Variants in BCL2L13 observed in about 807,000 individuals in gnomAD.
The protein encoded by BCL2L13 is bcl-2-like protein 13.
BCL2L13 carries 13 observed loss-of-function variants against 25.8 expected under a neutral mutation model. The observed-to-expected ratio is 0.50, with a 90% CI of 0.33 to 0.80. The LOEUF (loss-of-function observed/expected upper bound fraction) is 0.80. BCL2L13 is among the 30% of genes least tolerant of loss of function. BCL2L13 has a pLI of 0.02. For synonymous variants in BCL2L13, 244 were observed against 230.3 expected (o/e 1.06, Z -0.54); for missense variants, 504 against 574.9 (o/e 0.88, Z 1.26).
At position 17,661,731 on chromosome 22, in the gene BCL2L13, C is replaced by T. The variant is rs2059071970; in HGVS notation, c.121+5899C>T. 2.1e-5 allele frequency among the ~76,000 whole-genome samples: 3 copies of T among 145,940 alleles called. 1 individual carries two copies. ...TATGTGCCGGGTGTGGTGGCTCACA[C>T]CTGTGATCCCAGCACTTTGGGAGGC... On this transcript the variant is annotated intron_variant, in intron 2 of 6. Transcript: ENST00000317582.
chr22:17,718,043 C>T (rs539128464), intron 6 of BCL2L13, among the ~76,000 whole-genome samples: 191 of 151,856 alleles, frequency 1.3e-3, no homozygotes, highest in African/African-American at 4.4e-3. Flanking sequence ...GCTGTGTTCT[C>T]GCCACAGCAC....
intron 4 of BCL2L13, among the ~76,000 whole-genome samples, chr22:17,689,366 T>A (rs5992790): frequency 6.6e-6 from 1 of 152,324 alleles, no homozygotes. Context: ...TGTTAATTTG[T>A]ATTTATATGT....
At chr22:17,649,438 T>G (rs1215002633) in intron 1 of BCL2L13, among the ~76,000 whole-genome samples, 1 of 152,118 alleles carries the variant, frequency 6.6e-6, no homozygotes, top group African/African-American at 2.4e-5. Flanking sequence ...GTAAATACTT[T>G]CTTCTTCCTG....
At chr22:17,700,097 C>T (rs528797812) in intron 5 of BCL2L13, among the ~76,000 whole-genome samples, 2 of 152,016 alleles carry the variant, frequency 1.3e-5, no homozygotes, top group South Asian at 2.1e-4. Context: ...AGAAAATGTC[C>T]GTCCTGAAAA....
intron 6 of BCL2L13, among the ~76,000 whole-genome samples, chr22:17,716,614 T>G (rs2060952256): frequency 6.6e-6 from 1 of 152,200 alleles, no homozygotes; most frequent in Admixed American, 6.5e-5. Context: ...TTCAAAAATT[T>G]ATGTTTGGTT....
At chr22:17,678,534 C>T (rs2059640230) in intron 2 of BCL2L13, among the ~76,000 whole-genome samples, 1 of 152,172 alleles carries the variant, frequency 6.6e-6, no homozygotes, top group African/African-American at 2.4e-5. Context: ...ATTATAACTT[C>T]TTTATGGTAG....
intron 2 of BCL2L13, among the ~76,000 whole-genome samples, chr22:17,680,697 G>A (rs982558531): frequency 2.0e-5 from 3 of 151,968 alleles, no homozygotes; most frequent in Middle Eastern, 3.2e-3. Flanking sequence ...ACGTGTGTGG[G>A]GTGGAGTGCA....
At chr22:17,630,944 C>G (rs2058001556) in intron 1 of BCL2L13, among the ~76,000 whole-genome samples, 1 of 151,836 alleles carries the variant, frequency 6.6e-6, no homozygotes, top group African/African-American at 2.4e-5. Context: ...TTCTTATAAC[C>G]TTACTTTATA....
intron 2 of BCL2L13, among the ~76,000 whole-genome samples, chr22:17,666,945 A>G (rs1342507168): frequency 1.3e-5 from 2 of 152,044 alleles, no homozygotes; most frequent in African/African-American, 4.8e-5. Flanking sequence ...TCAGCCTCCC[A>G]AAGTGCTGGG....
At chr22:17,629,386 G>C (rs2057956006) in intron 1 of BCL2L13, among the ~76,000 whole-genome samples, 1 of 152,170 alleles carries the variant, frequency 6.6e-6, no homozygotes. Context: ...GGGAAGCTAT[G>C]CTCAACTTCC....
At chr22:17,646,016 A>G (rs1445109154) in intron 1 of BCL2L13, among the ~76,000 whole-genome samples, 1 of 151,502 alleles carries the variant, frequency 6.6e-6, no homozygotes, top group Non-Finnish European at 1.5e-5. Context: ...TATGAGAGGG[A>G]GGAAGTGAGT....
intron 2 of BCL2L13, among the ~76,000 whole-genome samples, chr22:17,664,636 A>C (rs953264315): frequency 6.6e-6 from 1 of 152,116 alleles, no homozygotes; most frequent in Admixed American, 6.6e-5. Flanking sequence ...TGAGGGCTCC[A>C]CCCCTATAGC....
rs545215568 is a variant in BCL2L13, at chr22:17,709,917, A to C, written c.600+7531A>C. 3.9e-5 allele frequency among the ~76,000 whole-genome samples: 6 copies of C among 152,072 alleles called. No homozygotes were observed. In the South Asian group the frequency reaches 1.2e-3, roughly 32 times the overall value. On this transcript the variant is annotated intron_variant, in intron 6 of 6. Coordinates refer to ENST00000317582, the MANE Select transcript of BCL2L13 (RefSeq NM_015367.4). ...TGGTGAGTGAGAGCCCATCTCTACA[A>C]AAAATATAAAAATTAACTGGAAGTA...
intron 1 of BCL2L13, among the ~76,000 whole-genome samples, chr22:17,646,017 G>A (rs1042292412): frequency 6.6e-6 from 1 of 151,464 alleles, no homozygotes; most frequent in Non-Finnish European, 1.5e-5. Flanking sequence ...ATGAGAGGGA[G>A]GAAGTGAGTA....
chr22:17,631,706 ATTTTTTTTTTTTTTTTTT>A (rs71201849), intron 1 of BCL2L13, among the ~76,000 whole-genome samples: 8 of 10,930 alleles, frequency 7.3e-4, no homozygotes, highest in African/African-American at 2.1e-3. Flanking sequence ...ATATATATAT[ATTTTTTTTTTTTTTTTTT>A]TTTTTTTTTT....
At chr22:17,700,612 C>T (rs987596967) in intron 5 of BCL2L13, among the ~76,000 whole-genome samples, 1 of 152,168 alleles carries the variant, frequency 6.6e-6, no homozygotes, top group African/African-American at 2.4e-5. Context: ...TTACCTGCTT[C>T]TACCCGAGGC....
At chr22:17,655,148 C>T (rs61163529) in intron 1 of BCL2L13, among the ~76,000 whole-genome samples, 182 of 151,996 alleles carry the variant, frequency 1.2e-3, no homozygotes, top group African/African-American at 4.2e-3. Flanking sequence ...TACACAGAGT[C>T]AGGATTATTA....
At chr22:17,661,388 G>A (rs2059061893) in intron 2 of BCL2L13, among the ~76,000 whole-genome samples, 1 of 145,834 alleles carries the variant, frequency 6.9e-6, no homozygotes, top group South Asian at 2.1e-4. Context: ...ACCGTGCCTG[G>A]CCAACATTTT....
intron 2 of BCL2L13, among the ~76,000 whole-genome samples, chr22:17,663,919 G>A (rs2059154136): frequency 6.6e-6 from 1 of 151,952 alleles, no homozygotes; most frequent in African/African-American, 2.4e-5. Context: ...CACGATCTTG[G>A]CTCACTGCAA....
Sources: allele counts gnomAD v4.1 joint callset (sites outside exome capture counted in the v4.1 genomes callset), GRCh38; gene constraint gnomAD v4.1.1; transcripts MANE v1.5; gene names NCBI Gene and HGNC (gene_info 2026-07-23, HGNC 2026-07-21).